Variants in MAGI1 observed in about 807,000 individuals in gnomAD.
MAGI1 encodes membrane associated guanylate kinase, WW and PDZ domain containing 1.
MAGI1 carries 58 observed loss-of-function variants against 139.9 expected under a neutral mutation model. That is an observed-to-expected ratio of 0.41 (90% CI 0.34 to 0.52). MAGI1 has a LOEUF of 0.52. MAGI1 is among the 20% of genes least tolerant of loss of function. The pLI, the probability that MAGI1 is intolerant of heterozygous loss-of-function variation, is 0.12. For synonymous variants in MAGI1, 812 were observed against 737.9 expected (o/e 1.10, Z -1.63); for missense variants, 1,874 against 1,901.6 (o/e 0.99, Z 0.27).
intron 2 of MAGI1, among the ~76,000 whole-genome samples, chr3:65,567,895 G>A (rs555106864): frequency 6.6e-6 from 1 of 152,190 alleles, no homozygotes; most frequent in South Asian, 2.1e-4. Context: ...TTGCTGTAAC[G>A]TATCCCACTG....
At chr3:65,609,807 G>A (rs1465282516) in intron 2 of MAGI1, 2 of 323,406 alleles carry the variant, frequency 6.2e-6, no homozygotes, top group African/African-American at 2.2e-5. Flanking sequence ...AAACTCCTGG[G>A]CTCAAATGAT....
At chr3:65,463,059 C>T (rs987703479) in intron 5 of MAGI1, among the ~76,000 whole-genome samples, 2 of 152,206 alleles carry the variant, frequency 1.3e-5, no homozygotes, top group African/African-American at 4.8e-5. Context: ...ATCATGTCAT[C>T]TGCAAACAGA....
chr3:65,429,466 A>C, intron 12 of MAGI1, 54 bp downstream of exon 12: 1 of 1,516,770 alleles, frequency 6.6e-7, no homozygotes. Flanking sequence ...GAGTAAGTTA[A>C]GCAATGAATT....
At position 65,430,117 on chromosome 3, in the gene MAGI1, C is replaced by T. The variant is rs867826374; in HGVS notation, c.1570G>A (p.Asp524Asn). 1.2e-6 allele frequency: 2 copies of T among 1,613,320 alleles called. No individual in the cohort carries two copies. The highest frequency in any genetic ancestry group is 1.7e-6 in the Non-Finnish European group (2 of 1,179,468). ...TGTGTGTGTCCCAAAACACAGGTGT[C>T]ATTCACACTTACAATCACATCCCCT... is the stretch of plus-strand genomic sequence containing the variant. ...ETGDVIVSVN[D>N]TCVLGHTHAQ... The change falls in exon 12 of 23, where the codon GAC (aspartate) becomes AAC (asparagine). Residue 524 changes from aspartate (D) to asparagine (N), a missense_variant. Physicochemically the swap from Asp to Asn is conservative, Grantham distance 23. This residue lies in a region of MAGI1 where 86 missense variants were observed against 130.0 expected (regional missense o/e 0.66). Transcript: ENST00000402939.
intron 5 of MAGI1, among the ~76,000 whole-genome samples, chr3:65,458,695 A>G (rs776835292): frequency 6.6e-6 from 1 of 152,002 alleles, no homozygotes; most frequent in Non-Finnish European, 1.5e-5. Flanking sequence ...CTCCCTATAT[A>G]TATTCTCGTT....
chr3:65,580,274 T>C (rs1047404065), intron 2 of MAGI1, among the ~76,000 whole-genome samples: 1 of 152,082 alleles, frequency 6.6e-6, no homozygotes, highest in Admixed American at 6.6e-5. Flanking sequence ...TGAGACTATA[T>C]AAATAATTTT....
chr3:65,899,684 G>A (rs1228138670), intron 1 of MAGI1, among the ~76,000 whole-genome samples: 1 of 152,150 alleles, frequency 6.6e-6, no homozygotes, highest in East Asian at 1.9e-4. Flanking sequence ...TGCAGCAAGG[G>A]CCTTGGTGCC....
intron 1 of MAGI1, among the ~76,000 whole-genome samples, chr3:65,921,254 T>A (rs568095545): frequency 6.6e-5 from 10 of 152,144 alleles, no homozygotes; most frequent in African/African-American, 1.9e-4. Context: ...ACAAAAAAAA[T>A]TGATTTGAGA....
chr3:65,568,456 A>C (rs56037527), intron 2 of MAGI1, among the ~76,000 whole-genome samples: 5,291 of 152,232 alleles, frequency 0.035, 310 homozygotes, highest in African/African-American at 0.12. Flanking sequence ...ACTTGGTGAA[A>C]CAGTGAGTCG....
At chr3:65,391,966 T>C (rs1043727403) in intron 13 of MAGI1, among the ~76,000 whole-genome samples, 1 of 152,226 alleles carries the variant, frequency 6.6e-6, no homozygotes, top group Non-Finnish European at 1.5e-5. Flanking sequence ...AGAACTTCCA[T>C]AATTCTTAGC....
At chr3:65,700,703 T>G (rs1001992100) in intron 1 of MAGI1, among the ~76,000 whole-genome samples, 1 of 152,114 alleles carries the variant, frequency 6.6e-6, no homozygotes, top group Non-Finnish European at 1.5e-5. Context: ...GATCAACCAA[T>G]TAAAAAATGA....
chr3:65,640,730 T>C (rs1296701245), intron 1 of MAGI1, among the ~76,000 whole-genome samples: 3 of 152,228 alleles, frequency 2.0e-5, no homozygotes, highest in African/African-American at 7.2e-5. Flanking sequence ...ATATTGCTTA[T>C]ATACTGACGT....
rs562169006 is a variant in MAGI1, at chr3:65,723,038, T to C, written c.314-100950A>G. On this transcript the variant is annotated intron_variant, in intron 1 of 22. Coordinates refer to ENST00000402939, the MANE Select transcript of MAGI1 (RefSeq NM_001033057.2). Reference sequence around the variant, plus strand: ...GATCACTGAGAAGGAGCAATGATATTAGGACATCCCTCATGGACTTAGGTT... The same window carrying C: ...GATCACTGAGAAGGAGCAATGATATCAGGACATCCCTCATGGACTTAGGTT... Among the ~76,000 whole-genome samples, 36 of 151,648 alleles carry C rather than the reference T, an allele frequency of 2.4e-4. No individual in the cohort carries two copies. In the South Asian group the frequency reaches 7.3e-3, roughly 31 times the overall value.
chr3:66,023,579 A>G (rs971961376), intron 1 of MAGI1, among the ~76,000 whole-genome samples: 1 of 152,238 alleles, frequency 6.6e-6, no homozygotes, highest in African/African-American at 2.4e-5. Flanking sequence ...TGGCACTGAA[A>G]AACAGATGAC....
intron 2 of MAGI1, among the ~76,000 whole-genome samples, chr3:65,575,186 T>C (rs1414979526): frequency 2.6e-5 from 4 of 152,052 alleles, no homozygotes; most frequent in African/African-American, 7.2e-5. Flanking sequence ...ATATTCAGAA[T>C]CTATAGAGTT....
At chr3:65,986,565 G>C (rs985057595) in intron 1 of MAGI1, among the ~76,000 whole-genome samples, 2 of 152,182 alleles carry the variant, frequency 1.3e-5, no homozygotes, top group African/African-American at 2.4e-5. Flanking sequence ...GGATGCACCC[G>C]ATTTCCTTTT....
intron 1 of MAGI1, among the ~76,000 whole-genome samples, chr3:65,708,791 C>T (rs924379834): frequency 5.3e-5 from 8 of 152,184 alleles, no homozygotes; most frequent in Non-Finnish European, 1.2e-4. Flanking sequence ...GACTGCCATT[C>T]TTCTCAATCA....
chr3:65,459,133 G>A (rs538496597), intron 5 of MAGI1, among the ~76,000 whole-genome samples: 85 of 152,168 alleles, frequency 5.6e-4, no homozygotes, highest in Non-Finnish European at 9.0e-4. Flanking sequence ...TTTGTTTCTG[G>A]TTCTCTATTC....
At chr3:65,838,927 A>C (rs2058717623) in intron 1 of MAGI1, among the ~76,000 whole-genome samples, 2 of 152,220 alleles carry the variant, frequency 1.3e-5, no homozygotes, top group African/African-American at 4.8e-5. Flanking sequence ...TTCTCTGTGT[A>C]GTAATAACAC....
Sources: allele counts gnomAD v4.1 joint callset (sites outside exome capture counted in the v4.1 genomes callset), GRCh38; gene constraint gnomAD v4.1.1; regional missense constraint gnomAD v4.1.1; transcripts MANE v1.5; gene names NCBI Gene and HGNC (gene_info 2026-07-23, HGNC 2026-07-21).